CLPSL1: variants seen among roughly 807,000 people sequenced by gnomAD.
The protein encoded by CLPSL1 is colipase-like protein 1.
A neutral mutation model predicts 9.3 loss-of-function variants in CLPSL1; 13 were observed. The ratio of observed to expected loss-of-function variants is 1.40; its 90% CI spans 0.91 to 2.22. CLPSL1 has a LOEUF of 2.22. CLPSL1 is among the 30% of genes most tolerant of loss of function. The probability of loss-of-function intolerance (pLI) is 0.00; values close to 1 mark genes in which losing one functional copy is unlikely to be tolerated. For synonymous variants in CLPSL1, 58 were observed against 56.9 expected (o/e 1.02, Z -0.08); for missense variants, 164 against 146.6 (o/e 1.12, Z -0.61).
downstream of CLPSL1, among the ~76,000 whole-genome samples, chr6:35,789,315 C>A (rs1768146463): frequency 6.6e-6 from 1 of 152,260 alleles, no homozygotes; most frequent in Admixed American, 6.5e-5. Context: ...TAAGTTTCAA[C>A]AAGGGCACCA....
chr6:35,786,160 G>T (rs1204102588), intron 1 of CLPSL1, among the ~76,000 whole-genome samples: 1 of 152,082 alleles, frequency 6.6e-6, no homozygotes, highest in Non-Finnish European at 1.5e-5. Flanking sequence ...AGCTACTCGG[G>T]AGAATTGCTT....
At chr6:35,786,166 T>G (rs901395887) in intron 1 of CLPSL1, among the ~76,000 whole-genome samples, 1 of 152,004 alleles carries the variant, frequency 6.6e-6, no homozygotes. Context: ...TCGGGAGAAT[T>G]GCTTGAACCC....
intron 1 of CLPSL1, among the ~76,000 whole-genome samples, chr6:35,785,174 AT>A (rs34500810): frequency 1.9e-3 from 215 of 115,684 alleles, no homozygotes; most frequent in Middle Eastern, 0.01. Flanking sequence ...GCCCCTGGAA[AT>A]TTTTTTTTTT....
chr6:35,786,889 G>C, intron 1 of CLPSL1, 109 bp from the exon 2 acceptor site: 1 of 1,363,728 alleles, frequency 7.3e-7, no homozygotes, highest in Non-Finnish European at 1.0e-6. Flanking sequence ...CAGAGGTGAT[G>C]GTGGGAGCAG....
At chr6:35,793,698 C>T (rs1277973225), downstream of CLPSL1, 3 of 429,558 alleles carry the variant, frequency 7.0e-6, no homozygotes, top group East Asian at 2.2e-4. Flanking sequence ...TTCTGCTACT[C>T]ACAGTTGAAT....
At chr6:35,792,318 A>G (rs1306801604), downstream of CLPSL1, among the ~76,000 whole-genome samples, 1 of 152,262 alleles carries the variant, frequency 6.6e-6, no homozygotes, top group Non-Finnish European at 1.5e-5. Flanking sequence ...ACTGAATATC[A>G]TAGCTTAGCT....
chr6:35,794,035 G>A (rs572284085), downstream of CLPSL1, among the ~76,000 whole-genome samples: 30 of 152,362 alleles, frequency 2.0e-4, no homozygotes, highest in Middle Eastern at 6.8e-3. Context: ...GGAATCATAA[G>A]GCCGGGCACG....
chr6:35,786,918 G>C, intron 1 of CLPSL1, 80 bp from the exon 2 acceptor site: 1 of 1,507,202 alleles, frequency 6.6e-7, no homozygotes, highest in Non-Finnish European at 8.9e-7. Flanking sequence ...GAGGAGCCCC[G>C]TAGGGAGAAA....
chr6:35,792,114 T>G (rs1308771095), downstream of CLPSL1, among the ~76,000 whole-genome samples: 253 of 151,662 alleles, frequency 1.7e-3, no homozygotes, highest in African/African-American at 5.9e-3. Context: ...AATAAATAAA[T>G]AAATAAATAA....
At chr6:35,791,233 A>G (rs1432180482), downstream of CLPSL1, among the ~76,000 whole-genome samples, 1 of 152,276 alleles carries the variant, frequency 6.6e-6, no homozygotes, top group Non-Finnish European at 1.5e-5. Flanking sequence ...TTTGTAGGGA[A>G]TAAAGTACAG....
At chr6:35,791,429 T>G (rs1448937665), downstream of CLPSL1, among the ~76,000 whole-genome samples, 1 of 152,134 alleles carries the variant, frequency 6.6e-6, no homozygotes, top group Non-Finnish European at 1.5e-5. Context: ...ACCAACATGG[T>G]GAAACCCCGT....
chr6:35,781,292 G>T, intron 1 of CLPSL1, 83 bp downstream of exon 1: 8 of 1,528,428 alleles, frequency 5.2e-6, no homozygotes, highest in Non-Finnish European at 7.0e-6. Flanking sequence ...GGGCATGGGG[G>T]CTAGTGTGGG....
intron 1 of CLPSL1, among the ~76,000 whole-genome samples, chr6:35,785,103 G>C (rs928057320): frequency 6.6e-6 from 1 of 151,970 alleles, no homozygotes; most frequent in Non-Finnish European, 1.5e-5. Context: ...GCACATGCAG[G>C]GTGTTTAGGA....
At chr6:35,786,060 T>A (rs892683127) in intron 1 of CLPSL1, among the ~76,000 whole-genome samples, 2 of 151,352 alleles carry the variant, frequency 1.3e-5, no homozygotes, top group Non-Finnish European at 2.9e-5. Context: ...AGGTCAGAAG[T>A]TCGAGACCAG....
chr6:35,793,784 G>A (rs571687517), downstream of CLPSL1: 42 of 351,516 alleles, frequency 1.2e-4, no homozygotes, highest in African/African-American at 7.9e-4. Flanking sequence ...GGGCTGGGAC[G>A]ACATCGAAGT....
chr6:35,787,016 A>G lies in CLPSL1; in HGVS notation c.118A>G (p.Ile40Val), dbSNP rs1226441924. The change falls in exon 2 of 3, where the codon ATC (isoleucine) becomes GTC (valine). Residue 40 changes from isoleucine to valine, a missense_variant. Ile to Val is a conservative substitution (Grantham distance 29). Coordinates refer to ENST00000373861, the MANE Select transcript of CLPSL1 (RefSeq NM_001010886.5). ...YNLLELKESC[I>V]RNQDCETGCC... ...CCTGCAGGAGCTCAAGGAGTCTTGC[A>G]TCCGGAACCAGGACTGCGAGACTGG... The G allele has an allele frequency of 1.9e-6, 3 of 1,585,960 alleles. No homozygotes were observed. The highest frequency in any genetic ancestry group is 1.9e-5 in the Admixed American group (1 of 53,248).
At chr6:35,781,998 C>T (rs538395465) in intron 1 of CLPSL1, among the ~76,000 whole-genome samples, 7 of 152,128 alleles carry the variant, frequency 4.6e-5, no homozygotes, top group Admixed American at 1.3e-4. Context: ...GCAATCCACC[C>T]GCCTTGGCCT....
At chr6:35,790,474 G>C (rs191214217), downstream of CLPSL1, among the ~76,000 whole-genome samples, 1 of 152,244 alleles carries the variant, frequency 6.6e-6, no homozygotes, top group South Asian at 2.1e-4. Context: ...GAATTAAACC[G>C]ATAAAAGAGA....
intron 1 of CLPSL1, among the ~76,000 whole-genome samples, chr6:35,782,747 A>T (rs1225230825): frequency 6.7e-6 from 1 of 149,460 alleles, no homozygotes; most frequent in Non-Finnish European, 1.5e-5. Flanking sequence ...TCCTCTAGCT[A>T]TTCTGGGAAG....
Sources: gnomAD v4.1 joint callset for allele counts (sites outside exome capture counted in the v4.1 genomes callset) on GRCh38, gnomAD v4.1.1 for gene constraint, MANE v1.5 for transcripts, NCBI Gene and HGNC (gene_info 2026-07-23, HGNC 2026-07-21) for gene names.